HNMT: variants seen among roughly 807,000 people sequenced by gnomAD.
HNMT encodes histamine N-methyltransferase.
A neutral mutation model predicts 32.1 loss-of-function variants in HNMT; 30 were observed. That is an observed-to-expected ratio of 0.93 (90% CI 0.70 to 1.27). HNMT has a LOEUF of 1.27. HNMT is among the 50% of genes most tolerant of loss of function. HNMT has a pLI of 0.00. For synonymous variants in HNMT, 125 were observed against 119.0 expected (o/e 1.05, Z -0.33); for missense variants, 327 against 346.0 (o/e 0.95, Z 0.43).
In HNMT at chr2:138,014,758, T is replaced by C. The variant is rs1468343910; in HGVS notation, c.*628T>C. On this transcript the variant is annotated 3_prime_UTR_variant, in exon 6 of 6. Coordinates refer to ENST00000280097, the MANE Select transcript of HNMT (RefSeq NM_006895.3). ...GATATACTGAAGTTTTCTATTATAT[T>C]CAGCCAGATTTTTTTTTAAGTCTCG... 6.6e-6 allele frequency: 1 copy of C among 152,028 alleles called. No individual in the cohort carries two copies. Among genetic ancestry groups the C allele is most frequent in the Admixed American group, 6.6e-5 (1 of 15,228 alleles). The allele number at this position is 152,028 out of a possible 1,614,324, so 9.4% of individuals were successfully genotyped here.
intron 2 of HNMT, chr2:137,981,153 G>A: frequency 6.5e-7 from 1 of 1,541,022 alleles, no homozygotes; most frequent in Non-Finnish European, 8.8e-7. Flanking sequence ...GCAGGGATAG[G>A]CTGAAATCGA....
intron 2 of HNMT, among the ~76,000 whole-genome samples, chr2:137,983,780 C>T (rs1680572022): frequency 2.0e-5 from 3 of 152,084 alleles, no homozygotes; most frequent in Admixed American, 2.0e-4. Flanking sequence ...TTGCAGATTC[C>T]TCTGGTGCTG....
intron 2 of HNMT, among the ~76,000 whole-genome samples, chr2:137,978,782 T>G (rs1298991457): frequency 7.2e-6 from 1 of 139,294 alleles, no homozygotes; most frequent in Non-Finnish European, 1.5e-5. Context: ...TAGTATTATA[T>G]AATACTTTAT....
intron 5 of HNMT, 44 bp downstream of exon 5, chr2:138,005,269 A>G (rs1243601540): frequency 1.0e-6 from 1 of 996,958 alleles, no homozygotes; most frequent in East Asian, 2.4e-5. Flanking sequence ...CAGCAATAAT[A>G]CACGTATGCA....
chr2:137,965,035 A>G (rs1679913752), intron 1 of HNMT, among the ~76,000 whole-genome samples: 1 of 152,180 alleles, frequency 6.6e-6, no homozygotes, highest in African/African-American at 2.4e-5. Context: ...AATAATTGCC[A>G]AAGTACGATT....
At chr2:138,011,220 A>G (rs980203069) in intron 5 of HNMT, among the ~76,000 whole-genome samples, 2 of 152,096 alleles carry the variant, frequency 1.3e-5, no homozygotes, top group Admixed American at 1.3e-4. Flanking sequence ...AAATAATAAT[A>G]ATGATGATAA....
intron 4 of HNMT, chr2:138,002,890 G>T: frequency 2.7e-6 from 1 of 372,486 alleles, no homozygotes; most frequent in Non-Finnish European, 3.7e-6. Flanking sequence ...GAAGGGGCAG[G>T]TTAAATGATG....
intron 2 of HNMT, among the ~76,000 whole-genome samples, chr2:137,995,350 C>G (rs192488880): frequency 6.6e-6 from 1 of 152,268 alleles, no homozygotes; most frequent in East Asian, 1.9e-4. Flanking sequence ...ACTGACCCCA[C>G]AGAAATACAA....
At chr2:137,985,962 C>T (rs1383595200) in intron 2 of HNMT, among the ~76,000 whole-genome samples, 1 of 151,840 alleles carries the variant, frequency 6.6e-6, no homozygotes, top group African/African-American at 2.4e-5. Context: ...GAGCGAGACT[C>T]CATCTCAAAA....
intron 2 of HNMT, among the ~76,000 whole-genome samples, chr2:137,978,171 A>G (rs1035536736): frequency 6.6e-6 from 1 of 151,916 alleles, no homozygotes; most frequent in Non-Finnish European, 1.5e-5. Flanking sequence ...AGATTTTTGC[A>G]CAAAAATTTA....
intron 2 of HNMT, among the ~76,000 whole-genome samples, chr2:137,997,990 G>A (rs77100822): frequency 0.021 from 3,161 of 152,178 alleles, 119 homozygotes; most frequent in African/African-American, 0.072. Flanking sequence ...GACACAGAGC[G>A]GGGAGCAACA....
chr2:137,996,290 A>G (rs1680991515), intron 2 of HNMT, among the ~76,000 whole-genome samples: 1 of 152,220 alleles, frequency 6.6e-6, no homozygotes, highest in Admixed American at 6.5e-5. Flanking sequence ...TCAGCCTAAA[A>G]ACTTCTTAAA....
intron 2 of HNMT, among the ~76,000 whole-genome samples, chr2:137,980,857 G>A (rs1680472196): frequency 6.6e-6 from 1 of 152,090 alleles, no homozygotes; most frequent in Non-Finnish European, 1.5e-5. Context: ...GGGAGATAGA[G>A]AGAGAAAAAG....
chr2:138,008,906 G>A (rs1431040560), intron 5 of HNMT, among the ~76,000 whole-genome samples: 2 of 152,016 alleles, frequency 1.3e-5, no homozygotes, highest in East Asian at 3.9e-4. Context: ...TTGGCAAATG[G>A]CATCTCATTA....
At chr2:137,991,546 A>G (rs1386574366) in intron 2 of HNMT, among the ~76,000 whole-genome samples, 1 of 152,222 alleles carries the variant, frequency 6.6e-6, no homozygotes, top group Non-Finnish European at 1.5e-5. Flanking sequence ...TGAGGCCAAA[A>G]GCACCATAAA....
chr2:138,009,515 A>G lies in HNMT; in HGVS notation c.524-4260A>G, dbSNP rs11896148. Among the ~76,000 whole-genome samples, 773 of 152,168 alleles carry G rather than the reference A, an allele frequency of 5.1e-3. 7 individuals carry two copies. Among genetic ancestry groups the G allele is most frequent in the African/African-American group, 0.018 (744 of 41,552 alleles). ...ATTGTTTTGCCCCCCTCAGTGTATG[A>G]TGAGGGTGATGGTAGTTTCCTATTT... On this transcript the variant is annotated intron_variant, in intron 5 of 5. Transcript: ENST00000280097.
intron 1 of HNMT, among the ~76,000 whole-genome samples, chr2:137,969,416 C>T (rs868853510): frequency 7.2e-5 from 11 of 152,252 alleles, no homozygotes; most frequent in African/African-American, 2.6e-4. Context: ...CTGCTGAATT[C>T]GTATTTATTT....
At chr2:137,978,952 A>G (rs1680393013) in intron 2 of HNMT, among the ~76,000 whole-genome samples, 2 of 140,612 alleles carry the variant, frequency 1.4e-5, no homozygotes, top group South Asian at 4.5e-4. Context: ...GTAATCTATT[A>G]TATTACATAT....
chr2:137,969,123 G>A (rs1238410308), intron 1 of HNMT, among the ~76,000 whole-genome samples: 3 of 152,146 alleles, frequency 2.0e-5, no homozygotes, highest in African/African-American at 7.2e-5. Flanking sequence ...ACACTCTGCT[G>A]CTTTTGCCAT....
Sources: gnomAD v4.1 joint callset for allele counts (sites outside exome capture counted in the v4.1 genomes callset) on GRCh38, gnomAD v4.1.1 for gene constraint, MANE v1.5 for transcripts, NCBI Gene and HGNC (gene_info 2026-07-23, HGNC 2026-07-21) for gene names.